The following PTPRN variants were observed in gnomAD, a reference collection of about 807,000 sequenced individuals.
The protein encoded by PTPRN is receptor-type tyrosine-protein phosphatase-like N.
PTPRN carries 70 observed loss-of-function variants against 108.5 expected under a neutral mutation model. The ratio of observed to expected loss-of-function variants is 0.65; its 90% CI spans 0.53 to 0.79. The LOEUF is 0.79. PTPRN is among the 30% of genes least tolerant of loss of function. PTPRN has a pLI of 0.00. For synonymous variants in PTPRN, 496 were observed against 524.6 expected (o/e 0.95, Z 0.75); for missense variants, 1,136 against 1,295.5 (o/e 0.88, Z 1.89).
intron 6 of PTPRN, 144 bp from the exon 7 acceptor site, chr2:219,301,863 C>T (rs1254836137): frequency 1.7e-6 from 2 of 1,153,648 alleles, no homozygotes; most frequent in Non-Finnish European, 2.4e-6. Context: ...CTCCCTTTCC[C>T]AGCCCTTGTC....
At chr2:219,304,512 A>G (rs1952435066) in intron 3 of PTPRN, among the ~76,000 whole-genome samples, 3 of 152,280 alleles carry the variant, frequency 2.0e-5, no homozygotes, top group South Asian at 2.1e-4. Flanking sequence ...TGCTCTCAGG[A>G]AAGTTCAGTC....
rs1162835284 is a variant in PTPRN at position 219,302,743 on chromosome 2, G to A, written c.472C>T (p.Pro158Ser). ...GSAPAAQHRL[P>S]QPPVGKGGAG... Reference sequence around the variant, plus strand: ...CCACCTTTGCCCACTGGTGGTTGTGGAAGCCGATGCTGGGCAGCAGGGGCG... The same window carrying A: ...CCACCTTTGCCCACTGGTGGTTGTGAAAGCCGATGCTGGGCAGCAGGGGCG... Residue 158 changes from proline to serine, a missense_variant, in exon 5 of 23, where the codon CCA (proline) becomes TCA (serine). Pro to Ser is a moderately conservative substitution (Grantham distance 74, BLOSUM62 -1). Transcript: ENST00000295718. The A allele has an allele frequency of 2.5e-6, 4 of 1,613,444 alleles. No individual in the cohort carries two copies. Among genetic ancestry groups the A allele is most frequent in the Non-Finnish European group, 3.4e-6 (4 of 1,179,900 alleles).
chr2:219,300,393 G>T, intron 8 of PTPRN, 134 bp from the exon 9 acceptor site: 1 of 870,636 alleles, frequency 1.1e-6, no homozygotes, highest in Non-Finnish European at 1.7e-6. Flanking sequence ...GCAGTGCTGG[G>T]TACAGAGAGG....
At chr2:219,303,701 A>C in intron 4 of PTPRN, 34 bp downstream of exon 4, 1 of 1,568,850 alleles carries the variant, frequency 6.4e-7, no homozygotes, top group Non-Finnish European at 8.8e-7. Context: ...CATCAGCCTC[A>C]CCATTGCTAG....
rs773898559 is a variant in PTPRN at position 219,297,935 on chromosome 2, C to G, written c.1837G>C (p.Ala613Pro). ...TGGGCCCCCTCAGGCCCCAGGGCTGCCAGGCGCTCCTTGTCTTGCTGCCGC... is the reference window on the plus strand; with the variant it reads ...TGGGCCCCCTCAGGCCCCAGGGCTGGCAGGCGCTCCTTGTCTTGCTGCCGC... ...HARQQDKERL[A>P]ALGPEGAHGD... is the part of the protein sequence containing the mutation. The change falls in exon 13 of 23, where the codon GCA becomes CCA. Residue 613 changes from alanine to proline, a missense_variant. Physicochemically the swap from Ala to Pro is conservative, Grantham distance 27 (BLOSUM62 -1). Coordinates refer to ENST00000295718, the MANE Select transcript of PTPRN (RefSeq NM_002846.4). The surrounding 1 kb of genome is among the most constrained non-coding windows in gnomAD (Gnocchi z 6.0). 1 of 1,613,126 alleles carries G rather than the reference C, an allele frequency of 6.2e-7. No homozygotes were observed. The highest frequency in any genetic ancestry group is 8.5e-7 in the Non-Finnish European group (1 of 1,179,916).
intron 1 of PTPRN, chr2:219,308,290 C>T (rs759377244): frequency 5.3e-6 from 1 of 190,076 alleles, no homozygotes; most frequent in South Asian, 9.5e-5. Flanking sequence ...GTCTCTTAGG[C>T]ATCTCTCCTC....
In PTPRN at chr2:219,300,100, T is replaced by C; in HGVS notation, c.1321A>G (p.Thr441Ala). ...EPPKAARPPV[T>A]PVLLEKKSPL... ...CTTTTCTTCTCTAGCAGGACAGGTG[T>C]CACAGGGGGTCTGGCAGCTTTGGGA... Residue 441 changes from threonine to alanine, a missense_variant, in exon 9 of 23, where the codon ACA (threonine) becomes GCA (alanine). Physicochemically the swap from Thr to Ala is moderately conservative, Grantham distance 58. Coordinates refer to ENST00000295718, the MANE Select transcript of PTPRN (RefSeq NM_002846.4). 3 of 1,614,108 alleles carry C rather than the reference T, an allele frequency of 1.9e-6. No individual in the cohort carries two copies. The highest frequency in any genetic ancestry group is 2.5e-6 in the Non-Finnish European group (3 of 1,179,988).
chr2:219,299,934 G>C, intron 9 of PTPRN, 51 bp downstream of exon 9: 1 of 1,604,748 alleles, frequency 6.2e-7, no homozygotes, highest in Non-Finnish European at 8.5e-7. Context: ...GGCCAGGCAG[G>C]CCAGCCCAAA....
chr2:219,299,243 A>G (rs1952280026), intron 11 of PTPRN, 62 bp downstream of exon 11: 6 of 1,601,720 alleles, frequency 3.7e-6, no homozygotes, highest in Non-Finnish European at 4.3e-6. Flanking sequence ...ACAGGCCTGG[A>G]TATATCCTCT....
Position 219,290,704 on chromosome 2 carries a change from T to G in PTPRN, c.2795-93A>C. On this transcript the variant is annotated intron_variant, in intron 21 of 22. Transcript: ENST00000295718. The surrounding 1 kb of genome is among the most constrained non-coding windows in gnomAD (Gnocchi z 4.2). ...GAGGCCTCCTGGAGGCAAAGAGCCT[T>G]GGAGGGCTGGGCAGAGCCTGGAGGT... 6.7e-7 allele frequency: 1 copy of G among 1,486,138 alleles called. No individual in the cohort carries two copies. The highest frequency in any genetic ancestry group is 9.3e-7 in the Non-Finnish European group (1 of 1,075,942). The allele number at this position is 1,486,138 out of a possible 1,614,324, so 92.1% of individuals were successfully genotyped here.
Position 219,291,510 on chromosome 2 carries a change from A to G in PTPRN, c.2689T>C (p.Cys897Arg). The G allele has an allele frequency of 6.2e-7, 1 of 1,613,994 alleles. No homozygotes were observed. Among genetic ancestry groups the G allele is most frequent in the African/African-American group, 1.3e-5 (1 of 75,046 alleles). ...ATGGGGCAGGAGCGGCCCCGGTAGC[A>G]CTTGTTCACCTTCCTGCAACAAGAA... ...LLDFRRKVNK[C>R]YRGRSCPIIV... Residue 897 changes from cysteine to arginine, a missense_variant, in exon 20 of 23, where the codon TGC becomes CGC. By Grantham distance (180) the Cys-to-Arg change is radical (BLOSUM62 -3). Transcript: ENST00000295718.
rs1172044135 is a variant in PTPRN, at chr2:219,302,670, G to A, written c.545C>T (p.Pro182Leu). 8.1e-6 allele frequency: 13 copies of A among 1,613,480 alleles called. No individual in the cohort carries two copies. Among genetic ancestry groups the A allele is most frequent in the Admixed American group, 1.7e-5 (1 of 59,952 alleles). ...CAGCAGCAGGTGCTCCAAGAGAGGC[G>A]GGAGCAGCTCAGCCTGCAGAGGGGA... is the stretch of plus-strand genomic sequence containing the variant. ...SLSPLQAELLPPLLEHLLLPP... is the reference protein window; with the variant it reads ...SLSPLQAELLLPLLEHLLLPP... Residue 182 changes from proline (P) to leucine (L), a missense_variant, in exon 5 of 23, where the codon CCG (proline) becomes CTG (leucine). Transcript: ENST00000295718.
At chr2:219,302,002 G>A in intron 6 of PTPRN, 135 bp downstream of exon 6, 1 of 912,614 alleles carries the variant, frequency 1.1e-6, no homozygotes, top group South Asian at 1.8e-5. Flanking sequence ...AGAACAGCTT[G>A]TCAGTAGACA....
intron 9 of PTPRN, 31 bp downstream of exon 9, chr2:219,299,954 A>G (rs1952299878): frequency 1.2e-6 from 2 of 1,612,558 alleles, no homozygotes; most frequent in South Asian, 2.2e-5. Context: ...ATCCTAGCAG[A>G]CCAGAAAGCT....
rs544850572 is a variant in PTPRN, at chr2:219,291,329, G to A, written c.2729+141C>T. ...TTAAAACTGTGAATGCCACGCTTAG[G>A]TCTTGGCCATTAAAAACAGGTGGTG... On this transcript the variant is annotated intron_variant, in intron 20 of 22. Transcript: ENST00000295718. The A allele has an allele frequency of 1.8e-4, 159 of 889,162 alleles. 5 individuals are homozygous for A. The South Asian group carries it at 2.2e-3, about 12-fold the overall frequency. 55.1% of individuals were successfully genotyped at this position (889,162 alleles called of 1,614,324 possible). A position where few individuals can be genotyped will look rare whatever the true frequency, so the allele number is the denominator to read the frequency against.
At chr2:219,308,612 T>C (rs1353911938) in intron 1 of PTPRN, among the ~76,000 whole-genome samples, 1 of 140,194 alleles carries the variant, frequency 7.1e-6, no homozygotes, top group Non-Finnish European at 1.5e-5. Context: ...TCCGCACAGA[T>C]GTGAGTCAGC....
chr2:219,299,353 G>C lies in PTPRN; in HGVS notation c.1555C>G (p.Arg519Gly). Residue 519 changes from arginine (R) to glycine (G), a missense_variant, in exon 11 of 23, where the codon CGG (arginine) becomes GGG (glycine). Physicochemically the swap from Arg to Gly is moderately radical, Grantham distance 125. Transcript: ENST00000295718. ...AAAGACAGGTTCTGCTCATTGTGCCGGATGCGGAAGGTGAGGGCTGGTCCC... is the reference window on the plus strand; with the variant it reads ...AAAGACAGGTTCTGCTCATTGTGCCCGATGCGGAAGGTGAGGGCTGGTCCC... Reference protein sequence around the residue: ...VVGPALTFRIRHNEQNLSLAD... With the variant: ...VVGPALTFRIGHNEQNLSLAD... The C allele has an allele frequency of 3.7e-6, 6 of 1,614,184 alleles. No homozygotes were observed. Among genetic ancestry groups the C allele is most frequent in the African/African-American group, 1.3e-5 (1 of 75,048 alleles).
At position 219,307,380 on chromosome 2, in the gene PTPRN, T is replaced by A. The variant is rs181778182; in HGVS notation, c.280+64A>T. On this transcript the variant is annotated intron_variant, in intron 3 of 22. Transcript: ENST00000295718. ...GATAGGAATATTCCTTGAAGAGAAATCTTCTTCCCCACCCATAACTAACCA... is the reference window on the plus strand; with the variant it reads ...GATAGGAATATTCCTTGAAGAGAAAACTTCTTCCCCACCCATAACTAACCA... 413 of 1,358,828 alleles carry A rather than the reference T, an allele frequency of 3.0e-4. 1 individual carries two copies. The highest frequency in any genetic ancestry group is 6.4e-5 in the Non-Finnish European group (62 of 965,642). The allele number at this position is 1,358,828 out of a possible 1,614,324, so 84.2% of individuals were successfully genotyped here. A position where few individuals can be genotyped will look rare whatever the true frequency, so the allele number is the denominator to read the frequency against.
At chr2:219,301,548 G>A (rs748971951) in intron 7 of PTPRN, 40 bp downstream of exon 7, 6 of 1,584,090 alleles carry the variant, frequency 3.8e-6, no homozygotes, top group South Asian at 2.2e-5. Context: ...CCTCCATGGA[G>A]CCGGGAGATA....
Sources: allele counts gnomAD v4.1 joint callset (sites outside exome capture counted in the v4.1 genomes callset), GRCh38; gene constraint gnomAD v4.1.1; non-coding constraint Gnocchi (gnomAD v3.1); transcripts MANE v1.5; gene names NCBI Gene and HGNC (gene_info 2026-07-23, HGNC 2026-07-21).